The following EYS variants were observed in gnomAD, a reference collection of about 807,000 sequenced individuals.
EYS encodes the protein EGF-like photoreceptor maintenance factor, also known as protein eyes shut homolog.
Under a neutral mutation model 282.1 loss-of-function variants are expected in EYS, and 250 were observed. The ratio of observed to expected loss-of-function variants is 0.89; its 90% CI spans 0.80 to 0.98. The LOEUF is 0.98. Among genes scored for constraint, EYS ranks in the 50% least tolerant of loss-of-function variants. The probability of loss-of-function intolerance (pLI) is 0.00; values close to 1 mark genes in which losing one functional copy is unlikely to be tolerated. For missense variants in EYS, 4,016 were observed against 3,709.0 expected, an observed-to-expected ratio of 1.08 and a Z score of -2.15; for synonymous variants, 1,355 against 1,282.9, an observed-to-expected ratio of 1.06 and a Z score of -1.20.
chr6:64,424,243 T>C (rs1178203003), intron 28 of EYS, among the ~76,000 whole-genome samples: 1 of 152,214 alleles, frequency 6.6e-6, no homozygotes, highest in African/African-American at 2.4e-5. Flanking sequence ...ACATAAAATA[T>C]GCACACAGAT....
At chr6:64,148,240 T>C (rs915428581) in intron 31 of EYS, among the ~76,000 whole-genome samples, 1 of 152,180 alleles carries the variant, frequency 6.6e-6, no homozygotes, top group Non-Finnish European at 1.5e-5. Flanking sequence ...TTTGAAATTA[T>C]AGATATGTTA....
intron 35 of EYS, among the ~76,000 whole-genome samples, chr6:63,899,482 T>G (rs1380199707): frequency 6.6e-6 from 1 of 152,174 alleles, no homozygotes; most frequent in Non-Finnish European, 1.5e-5. Flanking sequence ...TCTGCCTTCA[T>G]TTTTAACTTT....
At chr6:64,206,373 T>G (rs137859472) in intron 31 of EYS, among the ~76,000 whole-genome samples, 84 of 152,328 alleles carry the variant, frequency 5.5e-4, no homozygotes, top group African/African-American at 1.9e-3. Flanking sequence ...CCTCTCTTAT[T>G]ATTTTGTTAT....
At chr6:64,915,807 A>T (rs1768142696) in intron 15 of EYS, among the ~76,000 whole-genome samples, 2 of 152,210 alleles carry the variant, frequency 1.3e-5, no homozygotes, top group Admixed American at 1.3e-4. Flanking sequence ...TTCTCACTTT[A>T]CAGATGAGAT....
intron 35 of EYS, among the ~76,000 whole-genome samples, chr6:63,914,206 C>G (rs577065264): frequency 6.6e-6 from 1 of 152,118 alleles, no homozygotes; most frequent in Non-Finnish European, 1.5e-5. Context: ...ACAATGACCT[C>G]TAAGTGTTTA....
chr6:65,287,601 G>A (rs928151800), intron 12 of EYS, among the ~76,000 whole-genome samples: 1 of 150,886 alleles, frequency 6.6e-6, no homozygotes. Context: ...TAATGAGTTT[G>A]GGAGAAACCA....
At chr6:64,074,719 G>C (rs748476936) in intron 32 of EYS, among the ~76,000 whole-genome samples, 9 of 151,806 alleles carry the variant, frequency 5.9e-5, no homozygotes, top group Non-Finnish European at 1.0e-4. Flanking sequence ...CAGGTACCTA[G>C]ATTATTAAAT....
intron 33 of EYS, among the ~76,000 whole-genome samples, chr6:64,051,426 A>G (rs1347003644): frequency 6.6e-6 from 1 of 152,168 alleles, no homozygotes; most frequent in East Asian, 1.9e-4. Flanking sequence ...ACCTTTCCTT[A>G]ATGTAAACAA....
At chr6:64,030,251 C>T (rs181918086) in intron 33 of EYS, among the ~76,000 whole-genome samples, 14 of 151,970 alleles carry the variant, frequency 9.2e-5, no homozygotes, top group Non-Finnish European at 1.6e-4. Flanking sequence ...AAGAAGAAGT[C>T]GAAGGGAGAA....
intron 2 of EYS, among the ~76,000 whole-genome samples, chr6:65,604,200 T>G (rs1765704889): frequency 6.6e-6 from 1 of 151,962 alleles, no homozygotes; most frequent in African/African-American, 2.4e-5. Flanking sequence ...TTCTGCCCTC[T>G]TTTTTAAATA....
intron 26 of EYS, among the ~76,000 whole-genome samples, chr6:64,485,608 A>T (rs1776558539): frequency 6.6e-6 from 1 of 151,524 alleles, no homozygotes; most frequent in South Asian, 2.1e-4. Context: ...GCAGAAATCC[A>T]GAGAACATTT....
chr6:64,282,912 C>T (rs1768359884), intron 30 of EYS, among the ~76,000 whole-genome samples: 1 of 152,112 alleles, frequency 6.6e-6, no homozygotes. Context: ...TTATAGTTTA[C>T]CAGATGGCAG....
chr6:64,560,544 T>G (rs1463949291), intron 26 of EYS, among the ~76,000 whole-genome samples: 3 of 152,062 alleles, frequency 2.0e-5, no homozygotes, highest in Non-Finnish European at 2.9e-5. Flanking sequence ...GCAAGGTTCA[T>G]AAAATATAGA....
chr6:64,126,420 C>T (rs1053145096), intron 31 of EYS, among the ~76,000 whole-genome samples: 4 of 151,898 alleles, frequency 2.6e-5, no homozygotes, highest in Non-Finnish European at 5.9e-5. Context: ...AAGATTTGTG[C>T]ACTTTCTGTG....
At chr6:63,765,189 T>C (rs1312726582) in intron 40 of EYS, among the ~76,000 whole-genome samples, 1 of 152,060 alleles carries the variant, frequency 6.6e-6, no homozygotes, top group Non-Finnish European at 1.5e-5. Flanking sequence ...TATCTTAGGA[T>C]TGAGCATAGT....
chr6:65,501,235 G>A (rs999452045), intron 2 of EYS, among the ~76,000 whole-genome samples: 2 of 151,898 alleles, frequency 1.3e-5, no homozygotes, highest in East Asian at 3.9e-4. Context: ...ATGTGCGTTT[G>A]TCTGTGTGTG....
chr6:65,581,121 A>G (rs1652480156), intron 2 of EYS, among the ~76,000 whole-genome samples: 1 of 152,104 alleles, frequency 6.6e-6, no homozygotes, highest in African/African-American at 2.4e-5. Context: ...TGGCTTAATC[A>G]AAGAAACTGT....
chr6:63,832,727 T>A (rs566995458), intron 36 of EYS, among the ~76,000 whole-genome samples: 36 of 152,102 alleles, frequency 2.4e-4, no homozygotes, highest in Non-Finnish European at 4.1e-4. Flanking sequence ...GAGGCCAACA[T>A]CATCCTCATA....
At chr6:63,885,842 C>A (rs1469286200) in intron 35 of EYS, among the ~76,000 whole-genome samples, 1 of 152,104 alleles carries the variant, frequency 6.6e-6, no homozygotes, top group African/African-American at 2.4e-5. Context: ...CTGAGTCTCC[C>A]AACTGTTGTA....
Sources: gnomAD v4.1 joint callset for allele counts (sites outside exome capture counted in the v4.1 genomes callset) on GRCh38, gnomAD v4.1.1 for gene constraint, MANE v1.5 for transcripts, NCBI Gene and HGNC (gene_info 2026-07-23, HGNC 2026-07-21) for gene names.